Variants in APBA1 observed in about 807,000 individuals in gnomAD.
APBA1 encodes the protein amyloid beta precursor protein binding family A member 1.
A neutral mutation model predicts 86.6 loss-of-function variants in APBA1; 55 were observed. The ratio of observed to expected loss-of-function variants is 0.64; its 90% CI spans 0.51 to 0.80. APBA1 has a LOEUF of 0.80. Ranked by LOEUF, APBA1 falls within the 30% of genes least tolerant of loss-of-function variation. The pLI is 0.00. For synonymous variants in APBA1, 511 were observed against 493.9 expected (o/e 1.03, Z -0.46); for missense variants, 1,090 against 1,183.0 (o/e 0.92, Z 1.15).
At position 69,517,091 on chromosome 9, in the gene APBA1, C is replaced by T. The variant is rs762450770; in HGVS notation, c.120G>A (p.Gln40=). Residue 40 remains glutamine (Q), a synonymous_variant, in exon 2 of 13, where the codon CAG becomes CAA. Coordinates refer to ENST00000265381, the MANE Select transcript of APBA1 (RefSeq NM_001163.4). ...CCACATAGTGCTGCTGCTGCGGCGG[C>T]TGCTGCTGTTCCTCTTCCACCTCGG... ...EHPEVEEEQQ[Q]PPQQQHYVGR... 1 of 1,579,678 alleles carries T rather than the reference C, an allele frequency of 6.3e-7. No homozygotes were observed. The highest frequency in any genetic ancestry group is 8.6e-7 in the Non-Finnish European group (1 of 1,167,870).
At chr9:69,441,443 T>C (rs1249752336) in intron 10 of APBA1, among the ~76,000 whole-genome samples, 1 of 152,178 alleles carries the variant, frequency 6.6e-6, no homozygotes, top group Non-Finnish European at 1.5e-5. Context: ...GTATCAGATG[T>C]CCTTTTTGGC....
chr9:69,514,626 C>T (rs555505577), intron 2 of APBA1, among the ~76,000 whole-genome samples: 100 of 151,566 alleles, frequency 6.6e-4, no homozygotes, highest in African/African-American at 1.0e-3. Context: ...TTGCAGAAAC[C>T]GGCCAGGTGC....
At chr9:69,557,297 A>G (rs1367801086) in intron 1 of APBA1, among the ~76,000 whole-genome samples, 1 of 152,206 alleles carries the variant, frequency 6.6e-6, no homozygotes, top group Non-Finnish European at 1.5e-5. Flanking sequence ...GGTGCTTATT[A>G]AATGGGTTCT....
intron 2 of APBA1, among the ~76,000 whole-genome samples, chr9:69,477,106 G>A (rs1410551694): frequency 6.6e-6 from 1 of 152,148 alleles, no homozygotes; most frequent in Non-Finnish European, 1.5e-5. Flanking sequence ...TCCACAGCAG[G>A]GGGCGGCGGA....
rs569389721 is a variant in APBA1, at chr9:69,440,099, A to G, written c.2301+897T>C. Among the ~76,000 whole-genome samples, 628 of 152,208 alleles carry G rather than the reference A, an allele frequency of 4.1e-3. 4 individuals carry two copies. Among genetic ancestry groups the G allele is most frequent in the African/African-American group, 0.013 (527 of 41,512 alleles). ...AGCAGCAGTGGCTGCAGAACAGCGG[A>G]TATTGGTGAACCGCAAATGCTGCTG... On this transcript the variant is annotated intron_variant, in intron 11 of 12. Coordinates refer to ENST00000265381, the MANE Select transcript of APBA1 (RefSeq NM_001163.4).
chr9:69,458,302 T>C (rs1835133698), intron 5 of APBA1, 114 bp from the exon 6 acceptor site: 2 of 880,232 alleles, frequency 2.3e-6, no homozygotes, highest in African/African-American at 1.7e-5. Context: ...AAAGCGTTTC[T>C]GTGGGAGGAG....
intron 1 of APBA1, among the ~76,000 whole-genome samples, chr9:69,613,875 T>A (rs1301326058): frequency 2.6e-5 from 4 of 152,236 alleles, no homozygotes; most frequent in African/African-American, 7.2e-5. Context: ...TAAATTCAAG[T>A]ATTTTTCATC....
chr9:69,431,844 G>T (rs1454175239), intron 12 of APBA1, among the ~76,000 whole-genome samples: 1 of 152,234 alleles, frequency 6.6e-6, no homozygotes, highest in African/African-American at 2.4e-5. Context: ...TGACAGCAAT[G>T]AATGACAGCA....
chr9:69,515,693 G>C (rs1487468469), intron 2 of APBA1, among the ~76,000 whole-genome samples: 2 of 11,070 alleles, frequency 1.8e-4, no homozygotes, highest in Admixed American at 1.0e-3. Context: ...CAGAAACTGG[G>C]GGGGGGGGGG....
At chr9:69,582,299 C>T in intron 1 of APBA1, among the ~76,000 whole-genome samples, 1 of 152,102 alleles carries the variant, frequency 6.6e-6, no homozygotes. Flanking sequence ...TAAGTAAGTT[C>T]CCCTTTTAGG....
intron 1 of APBA1, among the ~76,000 whole-genome samples, chr9:69,670,113 C>A (rs1348897052): frequency 6.6e-6 from 1 of 152,036 alleles, no homozygotes; most frequent in Non-Finnish European, 1.5e-5. Flanking sequence ...TGGATGACAG[C>A]CAACAACCAA....
intron 1 of APBA1, among the ~76,000 whole-genome samples, chr9:69,607,728 A>G (rs1475030907): frequency 6.6e-6 from 1 of 152,182 alleles, no homozygotes. Flanking sequence ...GGGCCAATAA[A>G]TGGCTGATGG....
In APBA1 at chr9:69,546,022, A is replaced by G. The variant is rs189246118; in HGVS notation, c.-69-28743T>C. On this transcript the variant is annotated intron_variant, in intron 1 of 12. Transcript: ENST00000265381. ...CATAAGTTTATAAATTTTCTAAAGT[A>G]TGACAAACTTTGAAATTATACAAGA... Among the ~76,000 whole-genome samples the G allele has an allele frequency of 9.2e-5, 14 of 152,362 alleles. No individual in the cohort carries two copies. The East Asian group carries it at 2.7e-3, about 29-fold the overall frequency.
intron 1 of APBA1, among the ~76,000 whole-genome samples, chr9:69,528,662 T>C (rs1019866847): frequency 3.3e-5 from 5 of 152,056 alleles, no homozygotes; most frequent in Non-Finnish European, 7.4e-5. Context: ...ACTTCCTTTC[T>C]ACTGTTATCT....
At chr9:69,663,159 A>C (rs963652606) in intron 1 of APBA1, among the ~76,000 whole-genome samples, 5 of 152,266 alleles carry the variant, frequency 3.3e-5, no homozygotes, top group Non-Finnish European at 5.9e-5. Flanking sequence ...GTTGGCAAAC[A>C]TACAGAACAG....
rs1285360155 is a variant in APBA1 at position 69,616,106 on chromosome 9, C to G, written c.-70+56047G>C. Among the ~76,000 whole-genome samples the G allele has an allele frequency of 2.0e-5, 3 of 152,174 alleles. 1 individual carries two copies. The highest frequency in any genetic ancestry group is 3.8e-4 in the East Asian group (2 of 5,206). On this transcript the variant is annotated intron_variant, in intron 1 of 12. Transcript: ENST00000265381. ...TAGCTTCCCCTGGTAACTTAACCAC[C>G]TGATCTAGGAGATCTTTTAGTCCAC...
intron 1 of APBA1, among the ~76,000 whole-genome samples, chr9:69,637,320 TAC>T (rs1440070725): frequency 6.6e-6 from 1 of 152,160 alleles, no homozygotes; most frequent in Non-Finnish European, 1.5e-5. Context: ...ACAGGGTGAC[TAC>T]AGTCAACAAT....
chr9:69,557,674 T>G (rs950288495), intron 1 of APBA1, among the ~76,000 whole-genome samples: 3 of 152,210 alleles, frequency 2.0e-5, no homozygotes, highest in Non-Finnish European at 2.9e-5. Context: ...TTTCTGATAA[T>G]GCAGTCACTT....
intron 1 of APBA1, among the ~76,000 whole-genome samples, chr9:69,562,722 A>C (rs1031245344): frequency 6.6e-6 from 1 of 152,098 alleles, no homozygotes; most frequent in Non-Finnish European, 1.5e-5. Context: ...TTAAGGATTA[A>C]AAAAAAGAAG....
Sources: allele counts gnomAD v4.1 joint callset (sites outside exome capture counted in the v4.1 genomes callset), GRCh38; gene constraint gnomAD v4.1.1; transcripts MANE v1.5; gene names NCBI Gene and HGNC (gene_info 2026-07-23, HGNC 2026-07-21).